CECR2: variants seen among roughly 807,000 people sequenced by gnomAD.
CECR2 encodes CECR2 histone acetyl-lysine reader, also known as chromatin remodeling regulator CECR2.
CECR2 carries 30 observed loss-of-function variants against 154.5 expected under a neutral mutation model. The observed-to-expected ratio is 0.19, with a 90% CI of 0.15 to 0.26. The LOEUF is 0.26. Among genes scored for constraint, CECR2 ranks in the 10% least tolerant of loss-of-function variants. CECR2 has a pLI of 1.00. For synonymous variants in CECR2, 725 were observed against 683.7 expected (o/e 1.06, Z -0.94); for missense variants, 1,743 against 1,829.3 (o/e 0.95, Z 0.86).
At chr22:17,502,339 G>A (rs1033568220) in intron 5 of CECR2, among the ~76,000 whole-genome samples, 1 of 152,186 alleles carries the variant, frequency 6.6e-6, no homozygotes, top group Non-Finnish European at 1.5e-5. Context: ...CCTGTCTTCA[G>A]TGCGGCCCTG....
At chr22:17,422,311 C>T (rs1362930493) in intron 1 of CECR2, among the ~76,000 whole-genome samples, 1 of 152,166 alleles carries the variant, frequency 6.6e-6, no homozygotes, top group Non-Finnish European at 1.5e-5. Flanking sequence ...AGTTCTTCTG[C>T]CTCAGTCCCC....
intron 1 of CECR2, among the ~76,000 whole-genome samples, chr22:17,470,689 C>T (rs1048132502): frequency 1.6e-5 from 2 of 122,040 alleles, no homozygotes; most frequent in Non-Finnish European, 3.4e-5. Context: ...AGTTGCAAAA[C>T]CCTTACTGAC....
At chr22:17,491,181 G>A (rs1333759496) in intron 2 of CECR2, among the ~76,000 whole-genome samples, 1 of 152,116 alleles carries the variant, frequency 6.6e-6, no homozygotes. Flanking sequence ...GAACATTTGT[G>A]CGCAAGTCTT....
Position 17,479,709 on chromosome 22 carries a change from CAAAT to C in CECR2, c.221+2031_221+2034del, listed in dbSNP as rs1301144201. On this transcript the variant is annotated intron_variant, in intron 2 of 18. Transcript: ENST00000262608. ...CTTATCTAATCATTCTAACTAGAAT[CAAAT>C]AAACCTATGAAGAAATGTGGGCAAA... Among the ~76,000 whole-genome samples, 3 of 150,634 alleles carry C rather than the reference CAAAT, an allele frequency of 2.0e-5. No homozygotes were observed. The East Asian group carries it at 5.9e-4, about 29-fold the overall frequency.
At chr22:17,500,507 C>A (rs551991823) in intron 4 of CECR2, 124 bp from the exon 5 acceptor site, 3 of 692,652 alleles carry the variant, frequency 4.3e-6, no homozygotes. Flanking sequence ...TTGCTGTTCC[C>A]TTTTCCTTTC....
intron 1 of CECR2, among the ~76,000 whole-genome samples, chr22:17,415,168 T>C (rs551071229): frequency 1.3e-5 from 2 of 152,304 alleles, no homozygotes; most frequent in African/African-American, 4.8e-5. Context: ...ACATATGGCT[T>C]GTAGTCTCAG....
intron 1 of CECR2, among the ~76,000 whole-genome samples, chr22:17,415,206 T>C (rs1293232538): frequency 6.6e-6 from 1 of 152,122 alleles, no homozygotes; most frequent in Non-Finnish European, 1.5e-5. Context: ...TTTTTTCAGC[T>C]GAAATGAAGC....
At chr22:17,465,907 C>T (rs1000134676) in intron 1 of CECR2, among the ~76,000 whole-genome samples, 1 of 152,202 alleles carries the variant, frequency 6.6e-6, no homozygotes, top group Non-Finnish European at 1.5e-5. Context: ...GCATGAGCCA[C>T]TGCACCCTGC....
intron 1 of CECR2, chr22:17,419,642 GAGA>G: frequency 3.0e-6 from 1 of 329,336 alleles, no homozygotes. Flanking sequence ...GCAGTTAATG[GAGA>G]AGTTTAACTT....
At chr22:17,369,283 C>CTGCGGATCGGGG (rs2063024391), upstream of CECR2, 1 of 151,128 alleles carries the variant, frequency 6.6e-6, no homozygotes, top group Non-Finnish European at 1.5e-5. Context: ...CCCCTGGGTC[C>CTGCGGATCGGGG]TGCGGATCTG....
At chr22:17,391,837 A>G (rs2063329091) in intron 1 of CECR2, among the ~76,000 whole-genome samples, 1 of 152,148 alleles carries the variant, frequency 6.6e-6, no homozygotes, top group Admixed American at 6.5e-5. Flanking sequence ...GGAGTCTCAC[A>G]CTCTTACAGG....
intron 1 of CECR2, among the ~76,000 whole-genome samples, chr22:17,393,811 G>C (rs1373656864): frequency 6.6e-6 from 1 of 151,320 alleles, no homozygotes; most frequent in South Asian, 2.1e-4. Context: ...AGAAATGTCT[G>C]TTCACATCCT....
At chr22:17,379,473 C>T (rs530172103) in intron 1 of CECR2, among the ~76,000 whole-genome samples, 1 of 152,150 alleles carries the variant, frequency 6.6e-6, no homozygotes, top group South Asian at 2.1e-4. Context: ...CTGCCATTGC[C>T]TGTCAGGGCA....
At chr22:17,373,124 G>A (rs1000677503) in intron 1 of CECR2, among the ~76,000 whole-genome samples, 1 of 152,002 alleles carries the variant, frequency 6.6e-6, no homozygotes, top group African/African-American at 2.4e-5. Flanking sequence ...GTACAGTGGC[G>A]CGACCTCGGC....
chr22:17,382,281 C>CT (rs2063207681), intron 1 of CECR2, among the ~76,000 whole-genome samples: 1 of 152,142 alleles, frequency 6.6e-6, no homozygotes, highest in African/African-American at 2.4e-5. Flanking sequence ...GAAGACTGGC[C>CT]TCACTGGTGA....
intron 8 of CECR2, among the ~76,000 whole-genome samples, chr22:17,520,992 T>C (rs944700264): frequency 1.3e-5 from 2 of 152,128 alleles, no homozygotes; most frequent in African/African-American, 4.8e-5. Context: ...TATTTCTAGT[T>C]CTAGATCCTT....
Position 17,392,035 on chromosome 22 carries a change from C to G in CECR2, c.126+22126C>G, listed in dbSNP as rs140641035. Reference sequence around the variant, plus strand: ...CAGGCTGGTCTCGAACTCTCGAACTCCCAAACTCAGGTGATCCACCTGCTT... The same window carrying G: ...CAGGCTGGTCTCGAACTCTCGAACTGCCAAACTCAGGTGATCCACCTGCTT... On this transcript the variant is annotated intron_variant, in intron 1 of 18. Coordinates refer to ENST00000262608, the MANE Select transcript of CECR2 (RefSeq NM_001290047.2). Among the ~76,000 whole-genome samples the G allele has an allele frequency of 7.8e-3, 1,183 of 152,272 alleles. 15 individuals are homozygous for G. Among genetic ancestry groups the G allele is most frequent in the African/African-American group, 0.026 (1,085 of 41,550 alleles).
chr22:17,428,798 T>TTGTGTGTGTGTGTGTGTGTGTGTGTGTG (rs60474818), intron 1 of CECR2, among the ~76,000 whole-genome samples: 17 of 136,332 alleles, frequency 1.2e-4, no homozygotes, highest in Non-Finnish European at 1.4e-4. Context: ...ATGTTTTTAT[T>TTGTGTGTGTGTGTGTGTGTGTGTGTGTG]TGTGTGTGTG....
At chr22:17,549,614 T>A in intron 17 of CECR2, 50 bp downstream of exon 17, 1 of 1,394,124 alleles carries the variant, frequency 7.2e-7, no homozygotes, top group Non-Finnish European at 9.7e-7. Flanking sequence ...AGATGTTTAT[T>A]TTATGTATTT....
Sources: allele counts gnomAD v4.1 joint callset (sites outside exome capture counted in the v4.1 genomes callset), GRCh38; gene constraint gnomAD v4.1.1; transcripts MANE v1.5; gene names NCBI Gene and HGNC (gene_info 2026-07-23, HGNC 2026-07-21).